The following TAS2R1 variants were observed in gnomAD, a reference collection of about 807,000 sequenced individuals.
TAS2R1 encodes taste 2 receptor member 1.
For synonymous variants in TAS2R1, 141 were observed against 134.2 expected, an observed-to-expected ratio of 1.05 and a Z score of -0.35; for missense variants, 370 against 353.4, an observed-to-expected ratio of 1.05 and a Z score of -0.38.
chr5:9,841,764 G>A, the TAS2R1 span, among the ~76,000 whole-genome samples: 50 of 152,282 alleles, frequency 3.3e-4, no homozygotes, highest in African/African-American at 1.1e-3. Flanking sequence ...GAGGAATAAT[G>A]TAATGTCTCC....
the TAS2R1 span, among the ~76,000 whole-genome samples, chr5:9,869,596 A>G: frequency 7.9e-5 from 12 of 152,336 alleles, no homozygotes; most frequent in Middle Eastern, 6.8e-3. Context: ...TCAGCCCCCA[A>G]TAAAAATCCT....
chr5:9,676,290 C>A (rs983108086), intron 1 of TAS2R1, among the ~76,000 whole-genome samples: 2 of 152,026 alleles, frequency 1.3e-5, no homozygotes, highest in South Asian at 2.1e-4. Flanking sequence ...TATGGAAATG[C>A]CAAAGACAGA....
the TAS2R1 span, among the ~76,000 whole-genome samples, chr5:9,763,850 G>T: frequency 3.3e-5 from 5 of 152,200 alleles, no homozygotes; most frequent in African/African-American, 1.2e-4. Flanking sequence ...CAAATGAATT[G>T]CTGTGTGCTC....
rs1260981843 is a variant in TAS2R1, at chr5:9,628,459, C to T, written c.*674G>A. On this transcript the variant is annotated 3_prime_UTR_variant, in exon 1 of 1. Transcript: ENST00000382492. Reference sequence around the variant, plus strand: ...CTCCTCCTCCTCCTCCATCTGTCTTCCCCTTTATCAGTTGATTGGCCATGT... The same window carrying T: ...CTCCTCCTCCTCCTCCATCTGTCTTTCCCTTTATCAGTTGATTGGCCATGT... Among the ~76,000 whole-genome samples, 1 of 152,200 alleles carries T rather than the reference C, an allele frequency of 6.6e-6. No homozygotes were observed. Among genetic ancestry groups the T allele is most frequent in the African/African-American group, 2.4e-5 (1 of 41,446 alleles).
intron 2 of TAS2R1, among the ~76,000 whole-genome samples, chr5:9,656,717 C>T (rs754928379): frequency 2.0e-5 from 3 of 152,178 alleles, no homozygotes; most frequent in Non-Finnish European, 4.4e-5. Flanking sequence ...TCCGGGCACC[C>T]TGTGGCCCAG....
intron 1 of TAS2R1, among the ~76,000 whole-genome samples, chr5:9,702,060 G>GT: frequency 6.6e-6 from 1 of 152,268 alleles, no homozygotes; most frequent in South Asian, 2.1e-4. Flanking sequence ...TCCTAGAGCT[G>GT]TATGTTTTAG....
rs1739840834 is a variant in TAS2R1, at chr5:9,629,959, C to T, written c.74G>A (p.Gly25Asp). The T allele has an allele frequency of 1.9e-6, 3 of 1,607,470 alleles. No individual in the cohort carries two copies. The highest frequency in any genetic ancestry group is 2.5e-6 in the Non-Finnish European group (3 of 1,177,816). The change falls in exon 1 of 1, where the codon GGC (glycine) becomes GAC (aspartate). Residue 25 changes from glycine (G) to aspartate (D), a missense_variant. Coordinates refer to ENST00000382492, the MANE Select transcript of TAS2R1 (RefSeq NM_019599.3). The part of the protein sequence containing the change: ...IQFLLGIFTN[G>D]IIVVVNGIDL... Reference sequence around the variant, plus strand: ...AATGCCATTCACCACCACAATGATGCCATTTGTGAAAATCCCAAGAAGAAA... The same window carrying T: ...AATGCCATTCACCACCACAATGATGTCATTTGTGAAAATCCCAAGAAGAAA...
chr5:9,824,861 CA>C, the TAS2R1 span, among the ~76,000 whole-genome samples: 3 of 126,738 alleles, frequency 2.4e-5, no homozygotes, highest in Admixed American at 7.8e-5. Context: ...AAAAAAAAGG[CA>C]GGGGGGAAGA....
Position 9,629,466 on chromosome 5 carries a change from G to A in TAS2R1, c.567C>T (p.Ile189=). Residue 189 remains isoleucine (I), a synonymous_variant, in exon 1 of 1, where the codon ATC becomes ATT. Coordinates refer to ENST00000382492, the MANE Select transcript of TAS2R1 (RefSeq NM_019599.3). ...TCAAGAGCAAAACAGCAAAAAGGAA[G>A]ATAAGCAATGGCACTGAGAACTCAG... ...FVAEFSVPLL[I]FLFAVLLLIF... 1 of 1,614,142 alleles carries A rather than the reference G, an allele frequency of 6.2e-7. No homozygotes were observed. The highest frequency in any genetic ancestry group is 2.2e-5 in the East Asian group (1 of 44,868).
At chr5:9,830,931 C>T in the TAS2R1 span, among the ~76,000 whole-genome samples, 16 of 152,144 alleles carry the variant, frequency 1.1e-4, no homozygotes, top group Admixed American at 1.0e-3. Flanking sequence ...GACTCAGAGG[C>T]TTTAGTCTTT....
the TAS2R1 span, among the ~76,000 whole-genome samples, chr5:9,792,119 A>T: frequency 1.3e-5 from 2 of 152,172 alleles, no homozygotes; most frequent in Non-Finnish European, 2.9e-5. Context: ...ACAAATTTGA[A>T]GTCCCAAGAC....
chr5:9,691,606 T>C (rs956920785), intron 1 of TAS2R1, among the ~76,000 whole-genome samples: 3 of 152,166 alleles, frequency 2.0e-5, no homozygotes, highest in Admixed American at 1.3e-4. Flanking sequence ...AAAAAGGGGA[T>C]TGAGAAAGCA....
At chr5:9,635,383 T>C (rs1266131624) in intron 2 of TAS2R1, among the ~76,000 whole-genome samples, 1 of 152,180 alleles carries the variant, frequency 6.6e-6, no homozygotes, top group Admixed American at 6.5e-5. Context: ...TCTACTTTCA[T>C]CAGGGATATT....
the TAS2R1 span, among the ~76,000 whole-genome samples, chr5:9,770,526 T>C: frequency 2.6e-5 from 4 of 152,204 alleles, no homozygotes; most frequent in Non-Finnish European, 4.4e-5. Context: ...TTTAACAATA[T>C]TGATTCTTCC....
intron 1 of TAS2R1, among the ~76,000 whole-genome samples, chr5:9,662,350 C>T (rs1191659393): frequency 2.6e-5 from 4 of 152,170 alleles, no homozygotes; most frequent in African/African-American, 9.7e-5. Context: ...GGCTCTGCTG[C>T]CCATTACTGC....
the TAS2R1 span, among the ~76,000 whole-genome samples, chr5:9,808,669 A>T: frequency 3.9e-5 from 6 of 152,336 alleles, no homozygotes; most frequent in South Asian, 1.2e-3. Context: ...AACAGAGAAA[A>T]TGAGACAGAA....
At chr5:9,838,461 G>A in the TAS2R1 span, among the ~76,000 whole-genome samples, 1 of 152,204 alleles carries the variant, frequency 6.6e-6, no homozygotes, top group Non-Finnish European at 1.5e-5. Flanking sequence ...CAGCTCCTGA[G>A]CCATATTTTT....
chr5:9,875,598 G>C, the TAS2R1 span, among the ~76,000 whole-genome samples: 1 of 152,200 alleles, frequency 6.6e-6, no homozygotes, highest in Non-Finnish European at 1.5e-5. Context: ...TGGTCAGGGA[G>C]AAGGGAGATC....
At chr5:9,691,960 G>C (rs749114321) in intron 1 of TAS2R1, among the ~76,000 whole-genome samples, 1 of 152,132 alleles carries the variant, frequency 6.6e-6, no homozygotes, top group Admixed American at 6.6e-5. Context: ...TTTGCACTTT[G>C]GGTTCAAATT....
Sources: allele counts gnomAD v4.1 joint callset (sites outside exome capture counted in the v4.1 genomes callset), GRCh38; gene constraint gnomAD v4.1.1; transcripts MANE v1.5; gene names NCBI Gene and HGNC (gene_info 2026-07-23, HGNC 2026-07-21).